KLF12: variants seen among roughly 807,000 people sequenced by gnomAD.
The protein encoded by KLF12 is KLF transcription factor 12, also known as Krueppel-like factor 12.
A neutral mutation model predicts 37.8 loss-of-function variants in KLF12; 9 were observed. The observed-to-expected ratio is 0.24, with a 90% CI of 0.14 to 0.42. The LOEUF (loss-of-function observed/expected upper bound fraction) is 0.42. KLF12 is among the 10% of genes least tolerant of loss of function. KLF12 has a pLI of 1.00. For synonymous variants in KLF12, 208 were observed against 202.1 expected, an observed-to-expected ratio of 1.03 and a Z score of -0.25; for missense variants, 411 against 516.0, an observed-to-expected ratio of 0.80 and a Z score of 1.97.
At chr13:73,968,683 T>C (rs1391693585) in intron 2 of KLF12, among the ~76,000 whole-genome samples, 3 of 152,172 alleles carry the variant, frequency 2.0e-5, no homozygotes, top group Non-Finnish European at 4.4e-5. Context: ...ACAGTAGAAA[T>C]GTAAAGAATA....
At chr13:73,786,299 G>C (rs891672868) in intron 5 of KLF12, among the ~76,000 whole-genome samples, 1 of 152,044 alleles carries the variant, frequency 6.6e-6, no homozygotes. Flanking sequence ...CAGCAACCAA[G>C]AACCCTAAAA....
the KLF12 span, among the ~76,000 whole-genome samples, chr13:74,265,510 T>C: frequency 6.6e-6 from 1 of 152,216 alleles, no homozygotes; most frequent in Admixed American, 6.5e-5. Flanking sequence ...TGTAAATATA[T>C]TCTGAAGAAA....
chr13:73,984,929 G>A (rs1364894775), intron 2 of KLF12, among the ~76,000 whole-genome samples: 4 of 152,144 alleles, frequency 2.6e-5, no homozygotes, highest in African/African-American at 9.7e-5. Context: ...CCCTCCTTTT[G>A]AATTAATGAG....
intron 1 of KLF12, among the ~76,000 whole-genome samples, chr13:74,009,796 G>A (rs985094864): frequency 3.3e-5 from 5 of 152,134 alleles, no homozygotes; most frequent in African/African-American, 1.2e-4. Flanking sequence ...AGAGTCTCGT[G>A]CTCTCATTCT....
At chr13:74,153,403 G>A in the KLF12 span, among the ~76,000 whole-genome samples, 1 of 152,190 alleles carries the variant, frequency 6.6e-6, no homozygotes, top group Non-Finnish European at 1.5e-5. Context: ...CTGGTCCAGA[G>A]GTTACCGTCT....
intron 2 of KLF12, among the ~76,000 whole-genome samples, chr13:73,970,676 G>C (rs1891305596): frequency 6.6e-6 from 1 of 152,150 alleles, no homozygotes; most frequent in Non-Finnish European, 1.5e-5. Context: ...CCACCCCCAA[G>C]AGGTACCAGA....
chr13:73,871,650 T>G (rs1340812062), intron 3 of KLF12, among the ~76,000 whole-genome samples: 1 of 152,096 alleles, frequency 6.6e-6, no homozygotes, highest in African/African-American at 2.4e-5. Flanking sequence ...CTGAACACAA[T>G]TTTCTCCCAA....
intron 3 of KLF12, among the ~76,000 whole-genome samples, chr13:73,936,387 C>A (rs762912842): frequency 6.6e-6 from 1 of 152,132 alleles, no homozygotes; most frequent in Non-Finnish European, 1.5e-5. Context: ...CCCAATGCCT[C>A]ACATATGAAG....
At chr13:73,903,812 G>A (rs913965023) in intron 3 of KLF12, among the ~76,000 whole-genome samples, 1 of 152,220 alleles carries the variant, frequency 6.6e-6, no homozygotes, top group African/African-American at 2.4e-5. Context: ...GCTCAGCTGT[G>A]GCACTGGATT....
At chr13:73,889,008 T>A (rs1887367119) in intron 3 of KLF12, among the ~76,000 whole-genome samples, 1 of 152,202 alleles carries the variant, frequency 6.6e-6, no homozygotes. Flanking sequence ...TGTAAGCTAA[T>A]GGGATTTTAC....
At chr13:74,222,059 TA>T in the KLF12 span, among the ~76,000 whole-genome samples, 3 of 152,182 alleles carry the variant, frequency 2.0e-5, no homozygotes, top group Non-Finnish European at 2.9e-5. Context: ...AGCTAGATGG[TA>T]AAGATGAATG....
chr13:74,077,468 A>C (rs796383919), intron 1 of KLF12, among the ~76,000 whole-genome samples: 13 of 152,296 alleles, frequency 8.5e-5, no homozygotes, highest in African/African-American at 3.1e-4. Context: ...TATAATTAAC[A>C]GTATAATAAT....
chr13:73,917,651 A>C (rs1390655058), intron 3 of KLF12, among the ~76,000 whole-genome samples: 8 of 152,214 alleles, frequency 5.3e-5, no homozygotes, highest in Non-Finnish European at 1.2e-4. Context: ...TTAACCTCAT[A>C]AGTTTGTCAG....
chr13:74,191,930 C>A, the KLF12 span, among the ~76,000 whole-genome samples: 1 of 151,936 alleles, frequency 6.6e-6, no homozygotes, highest in Non-Finnish European at 1.5e-5. Context: ...CCAGTCATTC[C>A]CATTTTTGAG....
At chr13:73,769,336 G>C (rs1354052949) in intron 5 of KLF12, among the ~76,000 whole-genome samples, 2 of 152,086 alleles carry the variant, frequency 1.3e-5, no homozygotes, top group African/African-American at 4.8e-5. Flanking sequence ...AAATCTAATG[G>C]TGAATTCTTA....
intron 3 of KLF12, among the ~76,000 whole-genome samples, chr13:73,908,185 G>A (rs112471044): frequency 0.048 from 7,230 of 152,008 alleles, 400 homozygotes; most frequent in African/African-American, 0.13. Context: ...GGTGGATCAC[G>A]AGTTCAGGAG....
intron 6 of KLF12, among the ~76,000 whole-genome samples, chr13:73,745,571 A>G (rs1295206539): frequency 6.6e-6 from 1 of 152,212 alleles, no homozygotes; most frequent in Non-Finnish European, 1.5e-5. Flanking sequence ...AAAGTATCAC[A>G]TGTGATAATT....
the KLF12 span, among the ~76,000 whole-genome samples, chr13:74,180,999 C>CT: frequency 6.6e-6 from 1 of 151,954 alleles, no homozygotes; most frequent in South Asian, 2.1e-4. Context: ...TGGAAAATAT[C>CT]TTTTTCTTTT....
Position 73,943,962 on chromosome 13 carries a change from G to A in KLF12, c.123+19C>T, listed in dbSNP as rs1175882611. On this transcript the variant is annotated intron_variant, in intron 3 of 7. Transcript: ENST00000377669. ...CTCTCATCAAAAGGAGTGGGGCATT[G>A]CTGGAAACTTGTGCTTACCCCTTGT... 4 of 1,526,166 alleles carry A rather than the reference G, an allele frequency of 2.6e-6. No individual in the cohort carries two copies. Among genetic ancestry groups the A allele is most frequent in the Non-Finnish European group, 3.6e-6 (4 of 1,100,852 alleles). 94.5% of individuals were successfully genotyped at this position (1,526,166 alleles called of 1,614,324 possible). A position where few individuals can be genotyped will look rare whatever the true frequency, so the allele number is the denominator to read the frequency against.
Sources: gnomAD v4.1 joint callset for allele counts (sites outside exome capture counted in the v4.1 genomes callset) on GRCh38, gnomAD v4.1.1 for gene constraint, MANE v1.5 for transcripts, NCBI Gene and HGNC (gene_info 2026-07-23, HGNC 2026-07-21) for gene names.